DIP2A: variants seen among roughly 807,000 people sequenced by gnomAD.
The protein encoded by DIP2A is DIP2 acetate--CoA ligase A.
A neutral mutation model predicts 177.4 loss-of-function variants in DIP2A; 85 were observed. That is an observed-to-expected ratio of 0.48 (90% CI 0.40 to 0.57). The LOEUF is 0.57. Ranked by LOEUF, DIP2A falls within the 20% of genes least tolerant of loss-of-function variation. The pLI is 0.00. For missense variants in DIP2A, 1,791 were observed against 2,100.2 expected (o/e 0.85, Z 2.88); for synonymous variants, 886 against 881.8 (o/e 1.00, Z -0.08).
chr21:46,558,214 C>T lies in DIP2A; in HGVS notation c.3799-9C>T, dbSNP rs778430817. The T allele has an allele frequency of 2.5e-6, 4 of 1,606,690 alleles. No individual in the cohort carries two copies. The highest frequency in any genetic ancestry group is 2.2e-5 in the South Asian group (2 of 90,308). On this transcript the variant is annotated splice_polypyrimidine_tract_variant and intron_variant, in intron 31 of 37. Transcript: ENST00000417564. ...GTGGCCGTGGCCTGACCGCTCACCC[C>T]TCCCGCAGATGAAGGGGGTGAACCT...
In DIP2A at chr21:46,498,759, C is replaced by A. The variant is rs754921460; in HGVS notation, c.581C>A (p.Ala194Asp). 2 of 1,613,756 alleles carry A rather than the reference C, an allele frequency of 1.2e-6. No individual in the cohort carries two copies. Among genetic ancestry groups the A allele is most frequent in the African/African-American group, 2.7e-5 (2 of 74,926 alleles). Residue 194 changes from alanine to aspartate, a missense_variant, in exon 5 of 38, where the codon GCT becomes GAT. Ala to Asp is a moderately radical substitution (Grantham distance 126). Transcript: ENST00000417564. The surrounding 1 kb of genome is among the most constrained non-coding windows in gnomAD (Gnocchi z 4.3). ...SSHPGGRPTT[A>D]PSAAATPGAA... The stretch of plus-strand genomic sequence containing the variant: ...CACCCGGGAGGGAGACCCACCACTG[C>A]TCCCAGTGCTGCAGCCACGCCGGGG...
At chr21:46,512,907 A>G (rs1331988542) in intron 8 of DIP2A, among the ~76,000 whole-genome samples, 1 of 152,018 alleles carries the variant, frequency 6.6e-6, no homozygotes, top group South Asian at 2.1e-4. Flanking sequence ...CAGTCCTCCC[A>G]TCTTAGCCTC....
chr21:46,528,708 A>G (rs2059230171), intron 8 of DIP2A, among the ~76,000 whole-genome samples: 1 of 151,558 alleles, frequency 6.6e-6, no homozygotes, highest in African/African-American at 2.4e-5. Context: ...TTGTATTTTT[A>G]GCAGAGATGG....
chr21:46,488,474 G>T (rs2056819502), intron 2 of DIP2A, among the ~76,000 whole-genome samples: 1 of 152,104 alleles, frequency 6.6e-6, no homozygotes, highest in African/African-American at 2.4e-5. Context: ...CACAGTTCAG[G>T]GTGTCCACAG....
intron 6 of DIP2A, among the ~76,000 whole-genome samples, chr21:46,507,596 A>G (rs1269088400): frequency 1.4e-5 from 2 of 144,074 alleles, no homozygotes; most frequent in African/African-American, 2.6e-5. Context: ...CTGTCCTTAC[A>G]CCTCGTATAG....
At chr21:46,580,195 A>G in the DIP2A span, among the ~76,000 whole-genome samples, 17 of 152,128 alleles carry the variant, frequency 1.1e-4, no homozygotes, top group Non-Finnish European at 2.9e-5. Context: ...ACCTTTTACC[A>G]TTGTGTAATG....
At chr21:46,501,597 T>A (rs575623288) in intron 5 of DIP2A, among the ~76,000 whole-genome samples, 2 of 152,236 alleles carry the variant, frequency 1.3e-5, no homozygotes, top group African/African-American at 4.8e-5. Context: ...TTTTTAAAAA[T>A]TTTTTGGAAA....
chr21:46,510,226 T>TGTA (rs1282606843), intron 7 of DIP2A, among the ~76,000 whole-genome samples: 2 of 152,158 alleles, frequency 1.3e-5, no homozygotes, highest in African/African-American at 4.8e-5. Context: ...AGGAGAAAGG[T>TGTA]GTAGGCTGGG....
intron 35 of DIP2A, among the ~76,000 whole-genome samples, chr21:46,564,716 C>T (rs1010244830): frequency 4.6e-5 from 7 of 152,162 alleles, no homozygotes; most frequent in African/African-American, 1.7e-4. Context: ...CAAGCCGTGC[C>T]CAGAGGGAAA....
At chr21:46,520,246 G>C (rs910898358) in intron 8 of DIP2A, among the ~76,000 whole-genome samples, 6 of 152,102 alleles carry the variant, frequency 3.9e-5, no homozygotes, top group Non-Finnish European at 5.9e-5. Flanking sequence ...GCTGTAAATA[G>C]CTCAAAAGAG....
rs748010633 is a variant in DIP2A at position 46,561,775 on chromosome 21, G to A, written c.4059G>A (p.Pro1353=). ...TTCGTTTGGTAGAACGGGGTTCTCCGCACAGCCTGCCATTGATGGAGTCTG... is the reference window on the plus strand; with the variant it reads ...TTCGTTTGGTAGAACGGGGTTCTCCACACAGCCTGCCATTGATGGAGTCTG... ...DRVRLVERGS[P]HSLPLMESGK... The change falls in exon 34 of 38, where the codon CCG becomes CCA. Residue 1353 remains proline, a synonymous_variant. Coordinates refer to ENST00000417564, the MANE Select transcript of DIP2A (RefSeq NM_015151.4). The A allele has an allele frequency of 1.2e-5, 20 of 1,613,816 alleles. No individual in the cohort carries two copies. Among genetic ancestry groups the A allele is most frequent in the Admixed American group, 3.3e-5 (2 of 59,996 alleles).
chr21:46,550,030 C>A, intron 22 of DIP2A, 145 bp downstream of exon 22: 1 of 1,476,782 alleles, frequency 6.8e-7, no homozygotes, highest in South Asian at 1.4e-5. Context: ...TGCAAATTGA[C>A]AAATTACAGC....
At chr21:46,483,879 C>G (rs1024268158) in intron 1 of DIP2A, among the ~76,000 whole-genome samples, 3 of 152,186 alleles carry the variant, frequency 2.0e-5, no homozygotes, top group Non-Finnish European at 4.4e-5. Context: ...TATTTCTGGT[C>G]TAAATAAAGT....
Position 46,459,110 on chromosome 21 carries a change from C to T in DIP2A, c.-22C>T, listed in dbSNP as rs1158124210. 1.0e-5 allele frequency: 15 copies of T among 1,472,932 alleles called. No homozygotes were observed. Among genetic ancestry groups the T allele is most frequent in the Non-Finnish European group, 1.3e-5 (15 of 1,115,270 alleles). The allele number at this position is 1,472,932 out of a possible 1,614,324, so 91.2% of individuals were successfully genotyped here. ...GGCCCGGTCCGGTTCCAGCCTCTGC[C>T]CGGACGCTAGCCGGCCTGGCCATGG... On this transcript the variant is annotated 5_prime_UTR_variant, in exon 1 of 38. Coordinates refer to ENST00000417564, the MANE Select transcript of DIP2A (RefSeq NM_015151.4).
In DIP2A at chr21:46,498,721, C is replaced by T; in HGVS notation, c.543C>T (p.Ser181=). The T allele has an allele frequency of 1.2e-6, 2 of 1,613,952 alleles. No homozygotes were observed. Among genetic ancestry groups the T allele is most frequent in the Non-Finnish European group, 8.5e-7 (1 of 1,179,894 alleles). Residue 181 remains serine (S), a synonymous_variant, in exon 5 of 38, where the codon TCC becomes TCT. Coordinates refer to ENST00000417564, the MANE Select transcript of DIP2A (RefSeq NM_015151.4). The surrounding 1 kb of genome is among the most constrained non-coding windows in gnomAD (Gnocchi z 4.3). ...IQGSSTSSSA[S]STSSHPGGRP... ...GCTCGTCCACCTCATCCTCTGCATCCTCCACCTCATCTCACCCGGGAGGGA... is the reference window on the plus strand; with the variant it reads ...GCTCGTCCACCTCATCCTCTGCATCTTCCACCTCATCTCACCCGGGAGGGA...
At chr21:46,467,659 G>T (rs900922580) in intron 1 of DIP2A, among the ~76,000 whole-genome samples, 3 of 152,000 alleles carry the variant, frequency 2.0e-5, no homozygotes, top group Non-Finnish European at 4.4e-5. Flanking sequence ...ATCTTTAAAA[G>T]TTACACTTAC....
At chr21:46,501,521 G>A (rs2057649405) in intron 5 of DIP2A, among the ~76,000 whole-genome samples, 1 of 152,108 alleles carries the variant, frequency 6.6e-6, no homozygotes, top group African/African-American at 2.4e-5. Context: ...CTGGGCTTAA[G>A]AAATTCTCCC....
chr21:46,502,772 G>A (rs897593712), intron 5 of DIP2A, among the ~76,000 whole-genome samples: 2 of 151,908 alleles, frequency 1.3e-5, no homozygotes, highest in Admixed American at 6.6e-5. Context: ...ATAAATGGGC[G>A]AGCATCTGTG....
rs59574579 is a variant in DIP2A, at chr21:46,519,855, ATTTTTTTTTTTTTTTTTTTTTT to A, written c.1102+8257_1102+8278del. On this transcript the variant is annotated intron_variant, in intron 8 of 37. Coordinates refer to ENST00000417564, the MANE Select transcript of DIP2A (RefSeq NM_015151.4). ...GCCCAGAATTAGAATATTGATCTAGATTTTTTTTTTTTTTTTTTTTTTTTTTTTTTTTTTTTTGAGATGGAGT... is the reference window on the plus strand; with the variant it reads ...GCCCAGAATTAGAATATTGATCTAGATTTTTTTTTTTTTTTGAGATGGAGT... 1.5e-4 allele frequency among the ~76,000 whole-genome samples: 8 copies of A among 53,018 alleles called. 1 individual carries two copies. The highest frequency in any genetic ancestry group is 7.0e-4 in the African/African-American group (8 of 11,478). The allele number at this position is 53,018 out of a possible 152,430, so 34.8% of individuals were successfully genotyped here. A position where few individuals can be genotyped will look rare whatever the true frequency, so the allele number is the denominator to read the frequency against.
Sources: gnomAD v4.1 joint callset for allele counts (sites outside exome capture counted in the v4.1 genomes callset) on GRCh38, gnomAD v4.1.1 for gene constraint, Gnocchi (gnomAD v3.1) non-coding constraint, MANE v1.5 for transcripts, NCBI Gene and HGNC (gene_info 2026-07-23, HGNC 2026-07-21) for gene names.